The following ADCY1 variants were observed in gnomAD, a reference collection of about 807,000 sequenced individuals.
ADCY1 encodes the protein adenylate cyclase type 1.
In ADCY1, 28 loss-of-function variants were observed where a neutral mutation model predicts 105.4. The ratio of observed to expected loss-of-function variants is 0.27; its 90% CI spans 0.20 to 0.36. The LOEUF is 0.36. Ranked by LOEUF, ADCY1 falls within the 10% of genes least tolerant of loss-of-function variation. The pLI is 1.00. For synonymous variants in ADCY1, 655 were observed against 623.8 expected (o/e 1.05, Z -0.75); for missense variants, 977 against 1,434.2 (o/e 0.68, Z 5.15).
At chr7:45,687,722 G>A (rs1429618425) in intron 14 of ADCY1, among the ~76,000 whole-genome samples, 1 of 152,208 alleles carries the variant, frequency 6.6e-6, no homozygotes, top group Non-Finnish European at 1.5e-5. Context: ...TGGGATTACA[G>A]ACAAGAACAC....
intron 11 of ADCY1, among the ~76,000 whole-genome samples, chr7:45,684,224 G>A (rs1456626426): frequency 1.3e-5 from 2 of 152,232 alleles, no homozygotes; most frequent in Non-Finnish European, 2.9e-5. Context: ...GGTAAGCTGG[G>A]ACACACTGCC....
At chr7:45,707,418 C>G (rs1785141920) in intron 17 of ADCY1, among the ~76,000 whole-genome samples, 1 of 152,116 alleles carries the variant, frequency 6.6e-6, no homozygotes, top group Non-Finnish European at 1.5e-5. Context: ...GCTACATAAA[C>G]CAGTCTGAAA....
At chr7:45,593,321 G>T (rs771007214) in intron 2 of ADCY1, among the ~76,000 whole-genome samples, 4 of 152,322 alleles carry the variant, frequency 2.6e-5, no homozygotes, top group Non-Finnish European at 4.4e-5. Context: ...CCCAGAGCAC[G>T]CTGGCACTTC....
chr7:45,607,812 A>G (rs1246226717), intron 2 of ADCY1, among the ~76,000 whole-genome samples: 1 of 152,174 alleles, frequency 6.6e-6, no homozygotes, highest in African/African-American at 2.4e-5. Context: ...CATGGTGTAT[A>G]TGTACCACAT....
intron 6 of ADCY1, 101 bp from the exon 7 acceptor site, chr7:45,659,941 G>A: frequency 6.9e-7 from 1 of 1,453,556 alleles, no homozygotes; most frequent in Non-Finnish European, 9.4e-7. Context: ...GCCCTGGTGT[G>A]GGGAAGCCTC....
At chr7:45,607,588 G>T (rs1220326833) in intron 2 of ADCY1, among the ~76,000 whole-genome samples, 1 of 152,110 alleles carries the variant, frequency 6.6e-6, no homozygotes, top group African/African-American at 2.4e-5. Flanking sequence ...TTCAACCTTT[G>T]CCTCCCTCCG....
intron 7 of ADCY1, 65 bp from the exon 8 acceptor site, chr7:45,661,994 C>T: frequency 1.3e-6 from 2 of 1,555,302 alleles, no homozygotes; most frequent in Admixed American, 1.8e-5. Flanking sequence ...ATGGCATTCC[C>T]AGTCCGAGAG....
intron 3 of ADCY1, among the ~76,000 whole-genome samples, chr7:45,619,751 G>C (rs1019990539): frequency 1.3e-5 from 2 of 152,080 alleles, no homozygotes; most frequent in Non-Finnish European, 2.9e-5. Flanking sequence ...GGGTGATGTT[G>C]GTAAAAGAAT....
At chr7:45,592,493 CTTTA>C (rs1340918166) in intron 1 of ADCY1, among the ~76,000 whole-genome samples, 1 of 152,170 alleles carries the variant, frequency 6.6e-6, no homozygotes, top group Admixed American at 6.5e-5. Context: ...GGGGTTAGGG[CTTTA>C]TGCATTTTGG....
At chr7:45,620,540 T>A (rs761492298) in intron 3 of ADCY1, among the ~76,000 whole-genome samples, 1 of 152,062 alleles carries the variant, frequency 6.6e-6, no homozygotes, top group African/African-American at 2.4e-5. Context: ...GCCATAAATG[T>A]CCCAAAGTTT....
intron 5 of ADCY1, among the ~76,000 whole-genome samples, chr7:45,656,034 TCC>T (rs951056655): frequency 5.3e-5 from 8 of 152,162 alleles, no homozygotes; most frequent in African/African-American, 1.9e-4. Context: ...ACACCTGTAA[TCC>T]CAGCACTTTG....
chr7:45,658,018 G>A, intron 6 of ADCY1, 133 bp downstream of exon 6: 1 of 1,075,814 alleles, frequency 9.3e-7, no homozygotes, highest in Non-Finnish European at 1.3e-6. Flanking sequence ...GAGCCTGCCT[G>A]TCCCAGCCGC....
In ADCY1 at chr7:45,575,004, G is replaced by C. The variant is rs763194212; in HGVS notation, c.461G>C (p.Gly154Ala). The change falls in exon 1 of 20, where the codon GGG becomes GCG. Residue 154 changes from glycine to alanine, a missense_variant. Gly to Ala is a moderately conservative substitution (Grantham distance 60). This residue lies in a region of ADCY1 where 209 missense variants were observed against 222.5 expected (regional missense o/e 0.94). Transcript: ENST00000297323. The surrounding 1 kb of genome is among the most constrained non-coding windows in gnomAD (Gnocchi z 4.7). ...GPARGSAGAAGGPATAEQGVW... is the reference protein window; with the variant it reads ...GPARGSAGAAAGPATAEQGVW... ...GCCCGGGGTTCCGCCGGGGCCGCTG[G>C]GGGGCCAGCGACCGCCGAACAAGGG... The C allele has an allele frequency of 7.4e-6, 12 of 1,611,376 alleles. No homozygotes were observed. Among genetic ancestry groups the C allele is most frequent in the Non-Finnish European group, 1.0e-5 (12 of 1,179,236 alleles).
intron 8 of ADCY1, among the ~76,000 whole-genome samples, chr7:45,663,825 A>G (rs1184167732): frequency 6.6e-6 from 1 of 152,096 alleles, no homozygotes; most frequent in Non-Finnish European, 1.5e-5. Flanking sequence ...TCTCAAAAAA[A>G]AAAAAGAAAA....
At chr7:45,585,506 C>T (rs544608900) in intron 1 of ADCY1, among the ~76,000 whole-genome samples, 5 of 148,388 alleles carry the variant, frequency 3.4e-5, no homozygotes, top group South Asian at 2.2e-4. Context: ...TGCAATGGCG[C>T]GATCTCATCT....
intron 14 of ADCY1, among the ~76,000 whole-genome samples, chr7:45,688,402 G>T (rs1248033492): frequency 6.6e-6 from 1 of 152,184 alleles, no homozygotes; most frequent in Non-Finnish European, 1.5e-5. Flanking sequence ...GCCATTTTTG[G>T]GGGGATCTCT....
intron 14 of ADCY1, among the ~76,000 whole-genome samples, chr7:45,688,779 T>C (rs1024299839): frequency 2.6e-5 from 4 of 151,992 alleles, no homozygotes; most frequent in African/African-American, 7.3e-5. Flanking sequence ...AATTCACTTG[T>C]TTAGTGAACA....
At chr7:45,634,295 C>T (rs746613486) in intron 4 of ADCY1, among the ~76,000 whole-genome samples, 7 of 152,088 alleles carry the variant, frequency 4.6e-5, no homozygotes, top group Admixed American at 2.6e-4. Context: ...CAAGAGCAGG[C>T]ATTCTTGTCT....
chr7:45,623,539 C>T (rs770568075), intron 4 of ADCY1, among the ~76,000 whole-genome samples: 14 of 152,200 alleles, frequency 9.2e-5, no homozygotes, highest in African/African-American at 3.1e-4. Context: ...AGCCAACAGA[C>T]GTTGCAGGCC....
Sources: gnomAD v4.1 joint callset for allele counts (sites outside exome capture counted in the v4.1 genomes callset) on GRCh38, gnomAD v4.1.1 for gene constraint, gnomAD v4.1.1 regional missense constraint, Gnocchi (gnomAD v3.1) non-coding constraint, MANE v1.5 for transcripts, NCBI Gene and HGNC (gene_info 2026-07-23, HGNC 2026-07-21) for gene names.